The following MRPS28 variants were observed in gnomAD, a reference collection of about 807,000 sequenced individuals.
MRPS28 encodes mitochondrial ribosomal protein S28.
MRPS28 carries 7 observed loss-of-function variants against 10.8 expected under a neutral mutation model. The observed-to-expected ratio is 0.65, with a 90% CI of 0.37 to 1.22. MRPS28 has a LOEUF of 1.22. MRPS28 is among the 50% of genes most tolerant of loss of function. The pLI is 0.02. For missense variants in MRPS28, 265 were observed against 232.9 expected, an observed-to-expected ratio of 1.14 and a Z score of -0.90; for synonymous variants, 121 against 93.3, an observed-to-expected ratio of 1.30 and a Z score of -1.71.
chr8:79,920,148 C>A (rs937736762), intron 2 of MRPS28, among the ~76,000 whole-genome samples: 2 of 152,090 alleles, frequency 1.3e-5, no homozygotes, highest in African/African-American at 2.4e-5. Context: ...GCATAGTATT[C>A]CATGGTGTAT....
At chr8:79,995,358 C>A (rs1808473845) in intron 2 of MRPS28, among the ~76,000 whole-genome samples, 1 of 152,178 alleles carries the variant, frequency 6.6e-6, no homozygotes, top group Admixed American at 6.5e-5. Flanking sequence ...TGCTATAAAG[C>A]AATTCTTTGG....
At position 80,007,293 on chromosome 8, in the gene MRPS28, T is replaced by C. The variant is rs187020145; in HGVS notation, c.214-4113A>G. Among the ~76,000 whole-genome samples, 959 of 152,280 alleles carry C rather than the reference T, an allele frequency of 6.3e-3. 16 individuals carry two copies. Among genetic ancestry groups the C allele is most frequent in the East Asian group, 0.057 (296 of 5,188 alleles). On this transcript the variant is annotated intron_variant, in intron 1 of 2. Coordinates refer to ENST00000276585, the MANE Select transcript of MRPS28 (RefSeq NM_014018.3). ...ATCTCAAAATAATAAGAGCTATCTA[T>C]GAAAAACCCACAGCCGATATCATAC... is the stretch of plus-strand genomic sequence containing the variant.
At chr8:79,937,071 G>T (rs1052045551) in intron 2 of MRPS28, among the ~76,000 whole-genome samples, 2 of 152,116 alleles carry the variant, frequency 1.3e-5, no homozygotes, top group African/African-American at 4.8e-5. Flanking sequence ...ATGTTGGCCA[G>T]CCTGGTCTCA....
In MRPS28 at chr8:79,918,912, T is replaced by A. The variant is rs1809996144; in HGVS notation, c.*68A>T. On this transcript the variant is annotated 3_prime_UTR_variant, in exon 3 of 3. Coordinates refer to ENST00000276585, the MANE Select transcript of MRPS28 (RefSeq NM_014018.3). ...CTTCATTCAATCATTTATTCACAAT[T>A]AGTCTAATTGCATTCTTGATGAATA... 8.6e-7 allele frequency: 1 copy of A among 1,169,466 alleles called. No individual in the cohort carries two copies. The highest frequency in any genetic ancestry group is 2.8e-5 in the Admixed American group (1 of 36,268). 72.4% of individuals were successfully genotyped at this position (1,169,466 alleles called of 1,614,324 possible).
chr8:79,959,890 C>A (rs1004311410), intron 2 of MRPS28, among the ~76,000 whole-genome samples: 1 of 152,094 alleles, frequency 6.6e-6, no homozygotes, highest in Admixed American at 6.6e-5. Flanking sequence ...AAGAAAGCAA[C>A]AATAAACTAT....
intron 2 of MRPS28, among the ~76,000 whole-genome samples, chr8:79,921,706 T>C (rs1041389298): frequency 6.6e-6 from 1 of 152,118 alleles, no homozygotes; most frequent in Non-Finnish European, 1.5e-5. Context: ...GTTTTCTAGA[T>C]ATACAATCAT....
chr8:80,003,428 G>A (rs1808722185), intron 1 of MRPS28, among the ~76,000 whole-genome samples: 1 of 152,186 alleles, frequency 6.6e-6, no homozygotes, highest in Non-Finnish European at 1.5e-5. Flanking sequence ...CACTTTGGGA[G>A]GCCGAGGCAG....
At chr8:79,987,751 G>A (rs895156087) in intron 2 of MRPS28, among the ~76,000 whole-genome samples, 2 of 152,162 alleles carry the variant, frequency 1.3e-5, no homozygotes, top group African/African-American at 2.4e-5. Context: ...GAGTTAGAAT[G>A]GCAATCATTA....
In MRPS28 at chr8:79,988,127, A is replaced by G. The variant is rs918591727; in HGVS notation, c.395+14872T>C. Reference sequence around the variant, plus strand: ...ATGAGTTCATGTCCTTTGTAGGGACATGGATGAAACTGGAAATCATCATTC... The same window carrying G: ...ATGAGTTCATGTCCTTTGTAGGGACGTGGATGAAACTGGAAATCATCATTC... On this transcript the variant is annotated intron_variant, in intron 2 of 2. Transcript: ENST00000276585. Among the ~76,000 whole-genome samples the G allele has an allele frequency of 7.2e-5, 11 of 151,918 alleles. 1 individual carries two copies. Among genetic ancestry groups the G allele is most frequent in the South Asian group, 2.1e-4 (1 of 4,802 alleles).
intron 2 of MRPS28, among the ~76,000 whole-genome samples, chr8:79,919,846 G>A (rs549064796): frequency 1.5e-4 from 23 of 152,038 alleles, no homozygotes; most frequent in East Asian, 9.7e-4. Context: ...TGTGCACAAC[G>A]TGCAGGTTTG....
At chr8:80,006,856 G>A (rs1808864466) in intron 1 of MRPS28, among the ~76,000 whole-genome samples, 1 of 152,306 alleles carries the variant, frequency 6.6e-6, no homozygotes, top group Non-Finnish European at 1.5e-5. Flanking sequence ...GGAGGAGCTG[G>A]TACCATTCCT....
At chr8:79,981,095 G>A (rs1807940942) in intron 2 of MRPS28, among the ~76,000 whole-genome samples, 1 of 152,196 alleles carries the variant, frequency 6.6e-6, no homozygotes, top group South Asian at 2.1e-4. Flanking sequence ...CTGGGAGGCC[G>A]AAGCTGGCAG....
chr8:79,956,759 T>C (rs1807226931), intron 2 of MRPS28: 1 of 152,202 alleles, frequency 6.6e-6, no homozygotes, highest in Admixed American at 6.5e-5. Flanking sequence ...CCTGTGTTAG[T>C]TTGCTAAGAA....
intron 2 of MRPS28, among the ~76,000 whole-genome samples, chr8:79,945,244 G>A (rs1806878303): frequency 6.6e-6 from 1 of 152,092 alleles, no homozygotes; most frequent in African/African-American, 2.4e-5. Context: ...AATAACTATA[G>A]AGAGAGAACA....
intron 1 of MRPS28, among the ~76,000 whole-genome samples, chr8:80,017,769 C>T (rs953079595): frequency 1.3e-5 from 2 of 152,102 alleles, no homozygotes; most frequent in Admixed American, 1.3e-4. Context: ...CAAAACCACA[C>T]AAAGACATTA....
intron 2 of MRPS28, among the ~76,000 whole-genome samples, chr8:79,946,702 G>C (rs1405600553): frequency 6.6e-6 from 1 of 152,084 alleles, no homozygotes; most frequent in East Asian, 1.9e-4. Context: ...ATTTTCTAAA[G>C]TAATTTCTAA....
rs1393098945 is a variant in MRPS28, at chr8:80,013,802, G to C, written c.214-10622C>G. Reference sequence around the variant, plus strand: ...TATTAACCGTGCTATAATAACTTTTGTTTCTTTAACACTAACCAATAAATG... The same window carrying C: ...TATTAACCGTGCTATAATAACTTTTCTTTCTTTAACACTAACCAATAAATG... On this transcript the variant is annotated intron_variant, in intron 1 of 2. Transcript: ENST00000276585. Among the ~76,000 whole-genome samples the C allele has an allele frequency of 2.0e-5, 3 of 152,052 alleles. No homozygotes were observed. The East Asian group carries it at 5.8e-4, about 29-fold the overall frequency.
intron 2 of MRPS28, among the ~76,000 whole-genome samples, chr8:79,948,556 T>C (rs1806990057): frequency 6.6e-6 from 1 of 152,220 alleles, no homozygotes; most frequent in Admixed American, 6.5e-5. Flanking sequence ...TTTCTGATTT[T>C]AGAAAATATC....
chr8:79,923,207 T>C (rs1810139757), intron 2 of MRPS28, among the ~76,000 whole-genome samples: 1 of 152,190 alleles, frequency 6.6e-6, no homozygotes, highest in South Asian at 2.1e-4. Flanking sequence ...ATATCCTCCA[T>C]GTTACAGATA....
Sources: gnomAD v4.1 joint callset for allele counts (sites outside exome capture counted in the v4.1 genomes callset) on GRCh38, gnomAD v4.1.1 for gene constraint, MANE v1.5 for transcripts, NCBI Gene and HGNC (gene_info 2026-07-23, HGNC 2026-07-21) for gene names.